The following CAPZB variants were observed in gnomAD, a reference collection of about 807,000 sequenced individuals.
CAPZB encodes F-actin-capping protein subunit beta.
In CAPZB, 2 loss-of-function variants were observed where a neutral mutation model predicts 38.1. The ratio of observed to expected loss-of-function variants is 0.05; its 90% CI spans 0.02 to 0.17. The LOEUF is 0.17. CAPZB is among the 10% of genes least tolerant of loss of function. CAPZB has a pLI of 1.00. For synonymous variants in CAPZB, 107 were observed against 127.4 expected (o/e 0.84, Z 1.08); for missense variants, 161 against 334.2 (o/e 0.48, Z 4.04).
chr1:19,450,320 A>G (rs978946466), intron 1 of CAPZB, among the ~76,000 whole-genome samples: 2 of 152,156 alleles, frequency 1.3e-5, no homozygotes, highest in African/African-American at 2.4e-5. Context: ...TACTTGCATT[A>G]TACTTACTGG....
At chr1:19,385,677 A>G (rs1262444414) in intron 2 of CAPZB, 51 bp from the exon 3 acceptor site, 1 of 1,612,956 alleles carries the variant, frequency 6.2e-7, no homozygotes, top group Non-Finnish European at 8.5e-7. Flanking sequence ...CAGCACACCA[A>G]ACTCAGGTGG....
chr1:19,378,075 T>A (rs1422859862), intron 4 of CAPZB, among the ~76,000 whole-genome samples: 1 of 152,222 alleles, frequency 6.6e-6, no homozygotes, highest in African/African-American at 2.4e-5. Context: ...TGACTTTAAT[T>A]CCTGGCTCTA....
chr1:19,408,680 C>T (rs1570171444), intron 2 of CAPZB, among the ~76,000 whole-genome samples: 1 of 152,274 alleles, frequency 6.6e-6, no homozygotes, highest in East Asian at 1.9e-4. Flanking sequence ...GGCAACAGAC[C>T]TCCAGTTCTG....
chr1:19,374,031 C>CA (rs2094132760), intron 4 of CAPZB: 2 of 152,264 alleles, frequency 1.3e-5, no homozygotes, highest in Non-Finnish European at 2.9e-5. Context: ...GGGGGGCAGG[C>CA]ACCTCGTTCC....
chr1:19,355,999 C>A (rs1459554825), intron 6 of CAPZB, among the ~76,000 whole-genome samples: 1 of 152,130 alleles, frequency 6.6e-6, no homozygotes, highest in Non-Finnish European at 1.5e-5. Flanking sequence ...TAGACAGAAC[C>A]TGGGAACAAC....
At chr1:19,398,998 A>G (rs138839650) in intron 2 of CAPZB, among the ~76,000 whole-genome samples, 1 of 151,890 alleles carries the variant, frequency 6.6e-6, no homozygotes, top group East Asian at 1.9e-4. Context: ...CTGGGACTAC[A>G]GGTGCTTGCC....
intron 1 of CAPZB, among the ~76,000 whole-genome samples, chr1:19,462,356 G>T (rs1045799298): frequency 2.0e-5 from 3 of 152,026 alleles, no homozygotes; most frequent in Non-Finnish European, 4.4e-5. Context: ...TACTCAGGAG[G>T]CTGAGGCAGG....
At position 19,354,996 on chromosome 1, in the gene CAPZB, C is replaced by T. The variant is rs559936319; in HGVS notation, c.588+1639G>A. Among the ~76,000 whole-genome samples the T allele has an allele frequency of 4.6e-5, 7 of 152,282 alleles. No individual in the cohort carries two copies. In the South Asian group the frequency reaches 1.2e-3, roughly 27 times the overall value. On this transcript the variant is annotated intron_variant, in intron 6 of 8. Transcript: ENST00000264202. ...ACTAGTGAGTAGTCCTGGGATGGGA[C>T]TGTGACATCCCTGCCCAGAGGCCAA...
chr1:19,409,473 G>A (rs1454831282), intron 2 of CAPZB, among the ~76,000 whole-genome samples: 4 of 152,164 alleles, frequency 2.6e-5, no homozygotes, highest in South Asian at 2.1e-4. Flanking sequence ...CATATTAGGC[G>A]TTTGTGTTTC....
chr1:19,435,302 T>C (rs529390674), intron 1 of CAPZB, among the ~76,000 whole-genome samples: 31 of 152,298 alleles, frequency 2.0e-4, no homozygotes, highest in Non-Finnish European at 3.4e-4. Context: ...CGCTGAGTGT[T>C]ATGTCTCAAG....
At chr1:19,364,828 T>G (rs1489024507) in intron 4 of CAPZB, among the ~76,000 whole-genome samples, 1 of 152,042 alleles carries the variant, frequency 6.6e-6, no homozygotes, top group African/African-American at 2.4e-5. Flanking sequence ...TCATCTCAAA[T>G]GGAGTATTTT....
At chr1:19,462,259 T>G (rs574759326) in intron 1 of CAPZB, among the ~76,000 whole-genome samples, 3 of 151,348 alleles carry the variant, frequency 2.0e-5, no homozygotes, top group Admixed American at 2.0e-4. Flanking sequence ...GAGACCATCC[T>G]GGCTAACACG....
intron 8 of CAPZB, among the ~76,000 whole-genome samples, chr1:19,341,107 CAAGA>C (rs376231748): frequency 1.4e-4 from 22 of 152,336 alleles, no homozygotes; most frequent in African/African-American, 4.6e-4. Flanking sequence ...TGCCATAAGA[CAAGA>C]CCTGGAAGCA....
intron 2 of CAPZB, among the ~76,000 whole-genome samples, chr1:19,418,400 T>C (rs1057037341): frequency 6.6e-6 from 1 of 152,152 alleles, no homozygotes; most frequent in Non-Finnish European, 1.5e-5. Context: ...GAGCACACAG[T>C]GGGTTCATTT....
intron 4 of CAPZB, among the ~76,000 whole-genome samples, chr1:19,370,459 C>T (rs1372364181): frequency 1.3e-5 from 2 of 152,206 alleles, no homozygotes; most frequent in African/African-American, 4.8e-5. Flanking sequence ...TGACGTCACA[C>T]AGGACGTGAT....
At chr1:19,390,323 T>A (rs571916118) in intron 2 of CAPZB, among the ~76,000 whole-genome samples, 1 of 152,324 alleles carries the variant, frequency 6.6e-6, no homozygotes, top group East Asian at 1.9e-4. Context: ...CTCTGTCGCC[T>A]CCAAAGCCAG....
intron 1 of CAPZB, among the ~76,000 whole-genome samples, chr1:19,444,031 G>A (rs945308209): frequency 4.6e-5 from 7 of 152,268 alleles, no homozygotes; most frequent in East Asian, 1.9e-4. Flanking sequence ...GGCGGAGCAC[G>A]CCTGTAATCC....
chr1:19,392,706 G>T (rs1403311171), intron 2 of CAPZB, among the ~76,000 whole-genome samples: 1 of 152,146 alleles, frequency 6.6e-6, no homozygotes, highest in Non-Finnish European at 1.5e-5. Context: ...TGGGAGGATT[G>T]TTTGAACCCG....
chr1:19,459,139 C>T (rs1457716505), intron 1 of CAPZB, among the ~76,000 whole-genome samples: 1 of 152,206 alleles, frequency 6.6e-6, no homozygotes, highest in Admixed American at 6.5e-5. Flanking sequence ...AGGCCAGAGT[C>T]TTAAAGGATG....
Sources: gnomAD v4.1 joint callset for allele counts (sites outside exome capture counted in the v4.1 genomes callset) on GRCh38, gnomAD v4.1.1 for gene constraint, MANE v1.5 for transcripts, NCBI Gene and HGNC (gene_info 2026-07-23, HGNC 2026-07-21) for gene names.